CRIM1: variants seen among roughly 807,000 people sequenced by gnomAD.
The protein encoded by CRIM1 is cysteine rich transmembrane BMP regulator 1.
CRIM1 carries 32 observed loss-of-function variants against 116.4 expected under a neutral mutation model. That is an observed-to-expected ratio of 0.27 (90% confidence interval 0.21 to 0.37). The LOEUF is 0.37. Among genes scored for constraint, CRIM1 ranks in the 10% least tolerant of loss-of-function variants. CRIM1 has a pLI of 1.00. For synonymous variants in CRIM1, 590 were observed against 509.2 expected (o/e 1.16, Z -2.13); for missense variants, 1,331 against 1,354.8 (o/e 0.98, Z 0.28).
At chr2:36,540,468 A>G (rs1666871873) in intron 14 of CRIM1, among the ~76,000 whole-genome samples, 1 of 152,146 alleles carries the variant, frequency 6.6e-6, no homozygotes, top group South Asian at 2.1e-4. Context: ...TCTTCATTGG[A>G]GTGAAGAGGA....
At chr2:36,362,596 A>C (rs1558499089) in intron 1 of CRIM1, among the ~76,000 whole-genome samples, 1 of 152,110 alleles carries the variant, frequency 6.6e-6, no homozygotes, top group Non-Finnish European at 1.5e-5. Context: ...TCTCAGCTTC[A>C]CCCACCCTGC....
chr2:36,509,971 G>T lies in CRIM1; in HGVS notation c.1502-12G>T. On this transcript the variant is annotated splice_polypyrimidine_tract_variant and intron_variant, in intron 8 of 16. Transcript: ENST00000280527. ...TCTTTGGAAGAAACATGCCGTCTCT[G>T]TGTCTTCACAGCCGAGGAACTATGT... 6.2e-7 allele frequency: 1 copy of T among 1,612,240 alleles called. No homozygotes were observed. The highest frequency in any genetic ancestry group is 1.3e-5 in the African/African-American group (1 of 74,992).
intron 2 of CRIM1, among the ~76,000 whole-genome samples, chr2:36,416,218 T>A: frequency 6.6e-6 from 1 of 151,628 alleles, no homozygotes; most frequent in East Asian, 1.9e-4. Context: ...AAAATAATAA[T>A]AATAATAATA....
At chr2:36,519,582 A>G (rs1360877558) in intron 12 of CRIM1, among the ~76,000 whole-genome samples, 4 of 152,222 alleles carry the variant, frequency 2.6e-5, no homozygotes, top group Non-Finnish European at 5.9e-5. Context: ...GAAAAATATC[A>G]TCTCTAATCT....
intron 1 of CRIM1, among the ~76,000 whole-genome samples, chr2:36,359,426 A>G (rs1669075104): frequency 6.6e-6 from 1 of 152,138 alleles, no homozygotes; most frequent in Non-Finnish European, 1.5e-5. Flanking sequence ...GGGGAAAAAA[A>G]TTACGTTTTT....
At chr2:36,436,456 C>G (rs1046259599) in intron 2 of CRIM1, among the ~76,000 whole-genome samples, 1 of 152,106 alleles carries the variant, frequency 6.6e-6, no homozygotes, top group Non-Finnish European at 1.5e-5. Context: ...CTTATGCCTG[C>G]TAGTCATGAA....
intron 8 of CRIM1, among the ~76,000 whole-genome samples, chr2:36,504,790 T>G (rs778801011): frequency 6.6e-6 from 1 of 152,226 alleles, no homozygotes; most frequent in Non-Finnish European, 1.5e-5. Flanking sequence ...ACCTGCTTAC[T>G]ACATAAACTC....
intron 7 of CRIM1, among the ~76,000 whole-genome samples, chr2:36,483,370 A>G (rs934170755): frequency 3.9e-5 from 6 of 152,198 alleles, no homozygotes; most frequent in African/African-American, 1.4e-4. Context: ...GTAACCCTTA[A>G]TGACAGTGGC....
intron 1 of CRIM1, among the ~76,000 whole-genome samples, chr2:36,380,714 T>C (rs1353755377): frequency 6.6e-6 from 1 of 152,352 alleles, no homozygotes; most frequent in Middle Eastern, 3.4e-3. Context: ...GTGGTATTTC[T>C]GTTCGTTAGC....
intron 5 of CRIM1, among the ~76,000 whole-genome samples, chr2:36,473,845 G>T (rs1678743019): frequency 6.6e-6 from 1 of 151,820 alleles, no homozygotes; most frequent in African/African-American, 2.4e-5. Flanking sequence ...CTTTTTTGTG[G>T]GTATATATTT....
chr2:36,381,769 A>G (rs1670795205), intron 1 of CRIM1, among the ~76,000 whole-genome samples: 2 of 152,210 alleles, frequency 1.3e-5, no homozygotes, highest in Admixed American at 1.3e-4. Flanking sequence ...CCTGTATGAT[A>G]GAGTGAGACT....
At chr2:36,538,613 T>C (rs1666722255) in intron 14 of CRIM1, among the ~76,000 whole-genome samples, 1 of 152,204 alleles carries the variant, frequency 6.6e-6, no homozygotes, top group South Asian at 2.1e-4. Flanking sequence ...TGGCCTTTTG[T>C]TTAGGCGTTG....
intron 2 of CRIM1, among the ~76,000 whole-genome samples, 185 bp from the exon 3 acceptor site, chr2:36,441,073 T>C (rs532895238): frequency 1.6e-4 from 25 of 152,304 alleles, no homozygotes; most frequent in African/African-American, 6.0e-4. Flanking sequence ...CATATTTTGG[T>C]GTCATGGGCA....
At chr2:36,474,348 C>T (rs537911746) in intron 5 of CRIM1, among the ~76,000 whole-genome samples, 3 of 151,934 alleles carry the variant, frequency 2.0e-5, no homozygotes, top group South Asian at 2.1e-4. Context: ...TGTTTTGTTC[C>T]TTTGTTGCTT....
chr2:36,446,250 G>A (rs1676235009), intron 4 of CRIM1, among the ~76,000 whole-genome samples: 1 of 152,044 alleles, frequency 6.6e-6, no homozygotes. Flanking sequence ...TTCCCTATGA[G>A]ACTATTTCAC....
chr2:36,544,639 C>A (rs1667185779), intron 15 of CRIM1, 141 bp downstream of exon 15: 7 of 888,148 alleles, frequency 7.9e-6, no homozygotes, highest in African/African-American at 1.7e-5. Context: ...GGCAGACCTG[C>A]TTGGCTGAAA....
chr2:36,540,517 GGTGCCTCTAAGGTCAAGGCCA>G (rs1368561504), intron 14 of CRIM1, among the ~76,000 whole-genome samples: 4 of 146,304 alleles, frequency 2.7e-5, no homozygotes, highest in East Asian at 1.9e-4. Flanking sequence ...AGTCAAGGCC[GGTGCCTCTAAGGTCAAGGCCA>G]GTGCCTCTGG....
At chr2:36,376,722 A>C (rs1466450688) in intron 1 of CRIM1, among the ~76,000 whole-genome samples, 1 of 152,222 alleles carries the variant, frequency 6.6e-6, no homozygotes, top group Non-Finnish European at 1.5e-5. Flanking sequence ...TGGGCATCTC[A>C]GAATTCTTTG....
chr2:36,550,066 T>C lies in CRIM1; in HGVS notation c.*1365T>C, dbSNP rs1045234. On this transcript the variant is annotated 3_prime_UTR_variant, in exon 17 of 17. Transcript: ENST00000280527. ...ATGTGTGTGTGTGTGTGTGTGTGTG[T>C]GCGCGCGCACGCACGCCTTGAGCAG... is the stretch of plus-strand genomic sequence containing the variant. 20,402 of 149,536 alleles carry C rather than the reference T, an allele frequency of 0.14. 1,595 individuals are homozygous for C. Among genetic ancestry groups the C allele is most frequent in the South Asian group, 0.18 (868 of 4,722 alleles). 9.3% of individuals were successfully genotyped at this position (149,536 alleles called of 1,614,324 possible). A position where few individuals can be genotyped will look rare whatever the true frequency, so the allele number is the denominator to read the frequency against.
Sources: gnomAD v4.1 joint callset for allele counts (sites outside exome capture counted in the v4.1 genomes callset) on GRCh38, gnomAD v4.1.1 for gene constraint, MANE v1.5 for transcripts, NCBI Gene and HGNC (gene_info 2026-07-23, HGNC 2026-07-21) for gene names.